The following BRINP1 variants were observed in gnomAD, a reference collection of about 807,000 sequenced individuals.
The protein encoded by BRINP1 is BMP/retinoic acid-inducible neural-specific protein 1.
A neutral mutation model predicts 72.9 loss-of-function variants in BRINP1; 17 were observed. The ratio of observed to expected loss-of-function variants is 0.23; its 90% CI spans 0.16 to 0.35. The LOEUF (loss-of-function observed/expected upper bound fraction) is 0.35. BRINP1 is among the 10% of genes least tolerant of loss of function. BRINP1 has a pLI of 1.00. For missense variants in BRINP1, 850 were observed against 1,001.6 expected (o/e 0.85, Z 2.04); for synonymous variants, 418 against 378.5 (o/e 1.10, Z -1.21).
At chr9:119,353,932 A>G (rs961076681) in intron 1 of BRINP1, among the ~76,000 whole-genome samples, 1 of 146,520 alleles carries the variant, frequency 6.8e-6, no homozygotes, top group East Asian at 2.1e-4. Flanking sequence ...GCAGGCCTCA[A>G]TAGATCTGGA....
chr9:119,343,028 A>C (rs1421939362), intron 1 of BRINP1, among the ~76,000 whole-genome samples: 9 of 152,246 alleles, frequency 5.9e-5, no homozygotes. Flanking sequence ...GGGTCAAATC[A>C]AGTAACACAT....
chr9:119,292,880 G>T (rs956016003), intron 2 of BRINP1, among the ~76,000 whole-genome samples: 1 of 152,196 alleles, frequency 6.6e-6, no homozygotes, highest in Non-Finnish European at 1.5e-5. Context: ...ATAAGGTCAA[G>T]AACCACAGGA....
chr9:119,357,984 T>C (rs372339583), intron 1 of BRINP1, among the ~76,000 whole-genome samples: 4 of 152,152 alleles, frequency 2.6e-5, no homozygotes, highest in Non-Finnish European at 4.4e-5. Context: ...GCTGATAACA[T>C]ACACTGGGCT....
chr9:119,261,843 C>T (rs572526869), intron 2 of BRINP1, among the ~76,000 whole-genome samples: 2 of 150,540 alleles, frequency 1.3e-5, no homozygotes, highest in African/African-American at 2.4e-5. Flanking sequence ...CTTTCTTTCT[C>T]CTCTCTTCTC....
chr9:119,204,801 A>G (rs1484389796), intron 7 of BRINP1, among the ~76,000 whole-genome samples: 1 of 152,246 alleles, frequency 6.6e-6, no homozygotes, highest in Non-Finnish European at 1.5e-5. Context: ...CAGGACTTAC[A>G]TAAAGCTCTG....
intron 2 of BRINP1, among the ~76,000 whole-genome samples, chr9:119,282,277 A>C (rs1830719942): frequency 6.6e-6 from 1 of 152,178 alleles, no homozygotes; most frequent in African/African-American, 2.4e-5. Context: ...GTGCTTAAAC[A>C]GAAAGTAGAT....
chr9:119,232,135 A>G (rs938243108), intron 5 of BRINP1, among the ~76,000 whole-genome samples: 9 of 152,306 alleles, frequency 5.9e-5, no homozygotes, highest in African/African-American at 1.7e-4. Flanking sequence ...GTAGTTGCTC[A>G]GGCAAAACTT....
intron 2 of BRINP1, among the ~76,000 whole-genome samples, chr9:119,298,974 G>T (rs1830910475): frequency 1.3e-5 from 2 of 151,584 alleles, no homozygotes; most frequent in African/African-American, 2.4e-5. Context: ...TATATTTTTG[G>T]TATACAATCT....
chr9:119,178,763 T>C (rs1044488565), intron 7 of BRINP1, among the ~76,000 whole-genome samples: 1 of 152,226 alleles, frequency 6.6e-6, no homozygotes, highest in East Asian at 1.9e-4. Flanking sequence ...CAAAATTTGG[T>C]ATCTGAATGT....
intron 5 of BRINP1, among the ~76,000 whole-genome samples, chr9:119,229,828 G>A (rs185802383): frequency 6.6e-6 from 1 of 152,210 alleles, no homozygotes; most frequent in African/African-American, 2.4e-5. Context: ...TTCACTATGG[G>A]CTGAGTGATT....
chr9:119,316,873 A>T (rs1430172775), intron 1 of BRINP1, among the ~76,000 whole-genome samples: 1 of 151,970 alleles, frequency 6.6e-6, no homozygotes, highest in East Asian at 1.9e-4. Flanking sequence ...AATACATTTC[A>T]TGAGGTCAAG....
chr9:119,340,542 C>T (rs1222664745), intron 1 of BRINP1, among the ~76,000 whole-genome samples: 1 of 152,170 alleles, frequency 6.6e-6, no homozygotes, highest in Non-Finnish European at 1.5e-5. Context: ...TGTATCATAA[C>T]TGCTGAAAAA....
chr9:119,272,390 A>G (rs188831376), intron 2 of BRINP1, among the ~76,000 whole-genome samples: 1 of 152,058 alleles, frequency 6.6e-6, no homozygotes. Context: ...GCAGGAAATT[A>G]TTTTTTAAAG....
At chr9:119,218,002 T>C (rs1371159880) in intron 5 of BRINP1, among the ~76,000 whole-genome samples, 1 of 152,060 alleles carries the variant, frequency 6.6e-6, no homozygotes, top group Non-Finnish European at 1.5e-5. Context: ...TTAAAAGGCA[T>C]CTTCAATTTT....
chr9:119,192,303 T>A (rs1215890325), intron 7 of BRINP1, among the ~76,000 whole-genome samples: 1 of 151,898 alleles, frequency 6.6e-6, no homozygotes, highest in Non-Finnish European at 1.5e-5. Flanking sequence ...TTTAACAAAC[T>A]GAAAAGGCAA....
intron 2 of BRINP1, among the ~76,000 whole-genome samples, chr9:119,252,391 A>G (rs1055672534): frequency 2.0e-5 from 3 of 152,212 alleles, no homozygotes; most frequent in Non-Finnish European, 2.9e-5. Context: ...ATCAATACAC[A>G]GCAATGAGAA....
At position 119,167,784 on chromosome 9, in the gene BRINP1, TTGAGAG is replaced by T. The variant is rs1365156436; in HGVS notation, c.1580_1585del (p.Thr527_Leu528del). On this transcript the variant is annotated inframe_deletion, in exon 8 of 8. Transcript: ENST00000265922. The surrounding 1 kb of genome is among the most constrained non-coding windows in gnomAD (Gnocchi z 4.3). ...GAAGTCCATGCGGTTCTTGTTGCTCTTGAGAGTGAGGGACATGCGCTTGCGCCACCG... is the reference window on the plus strand; with the variant it reads ...GAAGTCCATGCGGTTCTTGTTGCTCTTGAGGGACATGCGCTTGCGCCACCG... 6.2e-7 allele frequency: 1 copy of T among 1,613,946 alleles called. No individual in the cohort carries two copies. The highest frequency in any genetic ancestry group is 8.5e-7 in the Non-Finnish European group (1 of 1,180,022).
At chr9:119,316,339 C>T (rs1451484078) in intron 1 of BRINP1, among the ~76,000 whole-genome samples, 1 of 152,192 alleles carries the variant, frequency 6.6e-6, no homozygotes, top group Non-Finnish European at 1.5e-5. Context: ...CTGCCCGCCT[C>T]AGCCTCCCAA....
chr9:119,317,091 A>AAAAAT (rs890951565), intron 1 of BRINP1, among the ~76,000 whole-genome samples: 1 of 149,226 alleles, frequency 6.7e-6, no homozygotes, highest in East Asian at 1.9e-4. Flanking sequence ...TTCCATCTCA[A>AAAAAT]AAAATAAAAT....
Sources: allele counts gnomAD v4.1 joint callset (sites outside exome capture counted in the v4.1 genomes callset), GRCh38; gene constraint gnomAD v4.1.1; non-coding constraint Gnocchi (gnomAD v3.1); transcripts MANE v1.5; gene names NCBI Gene and HGNC (gene_info 2026-07-23, HGNC 2026-07-21).